The following LIN7A variants were observed in gnomAD, a reference collection of about 807,000 sequenced individuals.
LIN7A encodes the protein lin-7 cell polarity scaffold A, also known as protein lin-7 homolog A.
LIN7A carries 25 observed loss-of-function variants against 29.8 expected under a neutral mutation model. That is an observed-to-expected ratio of 0.84 (90% CI 0.61 to 1.17). The LOEUF is 1.17. Ranked by LOEUF, LIN7A falls within the 50% of genes most tolerant of loss-of-function variation. The pLI is 0.00. For missense variants in LIN7A, 239 were observed against 287.0 expected (o/e 0.83, Z 1.21); for synonymous variants, 118 against 107.5 (o/e 1.10, Z -0.60).
chr12:80,900,115 C>T (rs1876133758), intron 1 of LIN7A, among the ~76,000 whole-genome samples: 1 of 151,912 alleles, frequency 6.6e-6, no homozygotes, highest in South Asian at 2.1e-4. Context: ...GTGGTAACAT[C>T]CCCTTTGTCA....
rs952205292 is a variant in LIN7A, at chr12:80,796,860, C to T, written c.*867G>A. 21 of 152,036 alleles carry T rather than the reference C, an allele frequency of 1.4e-4. No individual in the cohort carries two copies. The highest frequency in any genetic ancestry group is 4.6e-4 in the Admixed American group (7 of 15,262). The allele number at this position is 152,036 out of a possible 1,614,324, so 9.4% of individuals were successfully genotyped here. On this transcript the variant is annotated 3_prime_UTR_variant, in exon 6 of 6. Coordinates refer to ENST00000552864, the MANE Select transcript of LIN7A (RefSeq NM_004664.4). ...AGAGTGGGTTTATGTATATAACATA[C>T]GAGAATCTGTTCACAGGGCTAGGTC... is the stretch of plus-strand genomic sequence containing the variant.
intron 1 of LIN7A, among the ~76,000 whole-genome samples, chr12:80,900,030 T>TG (rs1237889783): frequency 6.6e-6 from 1 of 151,986 alleles, no homozygotes; most frequent in African/African-American, 2.4e-5. Flanking sequence ...GCCTCCCTCC[T>TG]CTAGGTTTTC....
chr12:80,925,493 A>T (rs1877534813), intron 1 of LIN7A, among the ~76,000 whole-genome samples: 2 of 152,188 alleles, frequency 1.3e-5, no homozygotes. Context: ...CAAAGAAATA[A>T]TTATCATTGT....
At chr12:80,821,148 C>T (rs895728200) in intron 4 of LIN7A, among the ~76,000 whole-genome samples, 9 of 152,192 alleles carry the variant, frequency 5.9e-5, no homozygotes, top group Non-Finnish European at 1.3e-4. Flanking sequence ...CCACCAAAGC[C>T]TTAGCAGAGC....
chr12:80,799,433 A>G (rs1870611353), intron 5 of LIN7A, among the ~76,000 whole-genome samples: 1 of 152,226 alleles, frequency 6.6e-6, no homozygotes, highest in Admixed American at 6.5e-5. Context: ...AATATGTTTG[A>G]TTACATGATA....
intron 4 of LIN7A, chr12:80,842,110 G>A (rs1872849914): frequency 7.8e-7 from 1 of 1,287,138 alleles, no homozygotes. Context: ...GTTTCCATCT[G>A]TTTTTGACTT....
intron 2 of LIN7A, among the ~76,000 whole-genome samples, chr12:80,869,855 T>G (rs1344971780): frequency 6.6e-6 from 1 of 152,184 alleles, no homozygotes; most frequent in African/African-American, 2.4e-5. Flanking sequence ...TGAACATGAC[T>G]TACCCTAACA....
chr12:80,917,611 A>T (rs568679517), intron 1 of LIN7A, among the ~76,000 whole-genome samples: 30 of 152,208 alleles, frequency 2.0e-4, no homozygotes, highest in African/African-American at 7.0e-4. Context: ...CAATATTCTT[A>T]TATTTTTAAA....
At chr12:80,904,416 T>A (rs1434377154) in intron 1 of LIN7A, among the ~76,000 whole-genome samples, 5 of 152,162 alleles carry the variant, frequency 3.3e-5, no homozygotes, top group Non-Finnish European at 7.4e-5. Context: ...ATTTTTTCTA[T>A]CTGAAATTTT....
intron 1 of LIN7A, among the ~76,000 whole-genome samples, chr12:80,911,607 G>T (rs1264571838): frequency 1.3e-5 from 2 of 151,954 alleles, no homozygotes; most frequent in Non-Finnish European, 2.9e-5. Context: ...AATTATTCTT[G>T]TACCTTTTCT....
At chr12:80,892,500 G>T (rs911910527) in intron 1 of LIN7A, among the ~76,000 whole-genome samples, 5 of 152,048 alleles carry the variant, frequency 3.3e-5, no homozygotes, top group Admixed American at 3.3e-4. Context: ...GACTACACTG[G>T]GTGAAGTCCA....
At chr12:80,916,814 G>GAGAAGA (rs34107001) in intron 1 of LIN7A, among the ~76,000 whole-genome samples, 2 of 151,704 alleles carry the variant, frequency 1.3e-5, no homozygotes, top group African/African-American at 4.9e-5. Context: ...GCCAGATAAA[G>GAGAAGA]AGAAGAAGAA....
At chr12:80,810,996 T>C (rs1871260167) in intron 5 of LIN7A, among the ~76,000 whole-genome samples, 1 of 152,196 alleles carries the variant, frequency 6.6e-6, no homozygotes, top group South Asian at 2.1e-4. Flanking sequence ...CAATAAATTG[T>C]ATCTCAGTAT....
intron 1 of LIN7A, among the ~76,000 whole-genome samples, chr12:80,897,665 C>T (rs1875978386): frequency 6.6e-6 from 1 of 151,880 alleles, no homozygotes; most frequent in Non-Finnish European, 1.5e-5. Flanking sequence ...AATTAGCCGG[C>T]GTGGTGGTGG....
At chr12:80,934,515 C>G (rs2120973669) in intron 1 of LIN7A, among the ~76,000 whole-genome samples, 1 of 152,314 alleles carries the variant, frequency 6.6e-6, no homozygotes, top group African/African-American at 2.4e-5. Flanking sequence ...ACCCAGGAAG[C>G]TAGGTGCAGA....
intron 2 of LIN7A, among the ~76,000 whole-genome samples, chr12:80,862,392 T>G (rs1261092601): frequency 6.6e-6 from 1 of 152,224 alleles, no homozygotes; most frequent in Non-Finnish European, 1.5e-5. Context: ...CTGCAAAGAC[T>G]AAATTAGCAA....
intron 4 of LIN7A, among the ~76,000 whole-genome samples, chr12:80,844,826 A>T (rs755294232): frequency 6.6e-6 from 1 of 152,192 alleles, no homozygotes; most frequent in Non-Finnish European, 1.5e-5. Flanking sequence ...TACATATTTT[A>T]ATTTACTCTA....
At position 80,908,674 on chromosome 12, in the gene LIN7A, T is replaced by A. The variant is rs577270466; in HGVS notation, c.83-19305A>T. ...GCTCATACACAAAAGGTGATATTTTTAAAAACAGCATTCTAATAGAATGAT... is the reference window on the plus strand; with the variant it reads ...GCTCATACACAAAAGGTGATATTTTAAAAAACAGCATTCTAATAGAATGAT... On this transcript the variant is annotated intron_variant, in intron 1 of 5. Coordinates refer to ENST00000552864, the MANE Select transcript of LIN7A (RefSeq NM_004664.4). 6.6e-5 allele frequency among the ~76,000 whole-genome samples: 10 copies of A among 152,214 alleles called. No homozygotes were observed. In the South Asian group the frequency reaches 1.7e-3, roughly 25 times the overall value.
chr12:80,918,177 A>G (rs1297317214), intron 1 of LIN7A, among the ~76,000 whole-genome samples: 3 of 151,800 alleles, frequency 2.0e-5, no homozygotes, highest in Non-Finnish European at 4.4e-5. Context: ...CCTCCCTAGT[A>G]GCTGGGACTA....
Sources: gnomAD v4.1 joint callset for allele counts (sites outside exome capture counted in the v4.1 genomes callset) on GRCh38, gnomAD v4.1.1 for gene constraint, MANE v1.5 for transcripts, NCBI Gene and HGNC (gene_info 2026-07-23, HGNC 2026-07-21) for gene names.